NPAS3: variants seen among roughly 807,000 people sequenced by gnomAD.
The protein encoded by NPAS3 is neuronal PAS domain-containing protein 3.
A neutral mutation model predicts 73.1 loss-of-function variants in NPAS3; 14 were observed. The observed-to-expected ratio is 0.19, with a 90% CI of 0.13 to 0.30. NPAS3 has a LOEUF of 0.30. Among genes scored for constraint, NPAS3 ranks in the 10% least tolerant of loss-of-function variants. The pLI, the probability that NPAS3 is intolerant of heterozygous loss-of-function variation, is 1.00. For synonymous variants in NPAS3, 620 were observed against 541.5 expected, an observed-to-expected ratio of 1.14 and a Z score of -2.01; for missense variants, 1,096 against 1,250.0, an observed-to-expected ratio of 0.88 and a Z score of 1.86.
intron 4 of NPAS3, among the ~76,000 whole-genome samples, chr14:33,533,672 T>A (rs1391695763): frequency 6.6e-6 from 1 of 152,150 alleles, no homozygotes; most frequent in Non-Finnish European, 1.5e-5. Context: ...TGCCTCAAAT[T>A]TTGAAACCAT....
At chr14:33,179,051 A>T (rs948697017) in intron 2 of NPAS3, among the ~76,000 whole-genome samples, 3 of 152,128 alleles carry the variant, frequency 2.0e-5, no homozygotes, top group African/African-American at 7.2e-5. Flanking sequence ...ACCTTTTTTA[A>T]AAAAAAATCA....
chr14:33,664,191 A>G (rs2059388225), intron 5 of NPAS3, among the ~76,000 whole-genome samples: 2 of 152,222 alleles, frequency 1.3e-5, no homozygotes, highest in African/African-American at 4.8e-5. Context: ...CTGGAACAGA[A>G]CAGTGGCCTC....
intron 4 of NPAS3, among the ~76,000 whole-genome samples, chr14:33,461,850 G>C (rs2050281356): frequency 6.6e-6 from 1 of 152,170 alleles, no homozygotes; most frequent in East Asian, 1.9e-4. Flanking sequence ...CAGATGAATT[G>C]GCCTGCCTGA....
intron 2 of NPAS3, among the ~76,000 whole-genome samples, chr14:33,173,755 A>G (rs1365156318): frequency 1.3e-5 from 2 of 152,202 alleles, no homozygotes; most frequent in Non-Finnish European, 2.9e-5. Context: ...TGATTTATAA[A>G]AGTCAGATGT....
intron 2 of NPAS3, among the ~76,000 whole-genome samples, chr14:33,086,262 G>A (rs1475979646): frequency 6.6e-6 from 1 of 152,056 alleles, no homozygotes; most frequent in African/African-American, 2.4e-5. Flanking sequence ...TATATGCTAT[G>A]TTTTGATTTA....
intron 3 of NPAS3, among the ~76,000 whole-genome samples, chr14:33,263,086 G>A (rs894730605): frequency 6.6e-6 from 1 of 152,050 alleles, no homozygotes; most frequent in African/African-American, 2.4e-5. Context: ...TCACTCTGAT[G>A]GTAGTTTCTT....
intron 4 of NPAS3, among the ~76,000 whole-genome samples, chr14:33,460,585 A>T (rs1250537015): frequency 6.6e-6 from 1 of 152,198 alleles, no homozygotes; most frequent in African/African-American, 2.4e-5. Context: ...AATCTTTATA[A>T]GCTCATGATG....
intron 6 of NPAS3, among the ~76,000 whole-genome samples, chr14:33,709,011 T>C (rs2060740528): frequency 6.6e-6 from 1 of 152,206 alleles, no homozygotes. Flanking sequence ...TACTGAGAGA[T>C]TGGATCTATT....
chr14:33,611,416 G>A (rs1006070471), intron 5 of NPAS3, among the ~76,000 whole-genome samples: 10 of 152,076 alleles, frequency 6.6e-5, no homozygotes, highest in African/African-American at 2.2e-4. Context: ...TCTGAATCTT[G>A]GATGTTTCAT....
At chr14:33,598,317 A>G (rs1189378344) in intron 5 of NPAS3, among the ~76,000 whole-genome samples, 4 of 152,320 alleles carry the variant, frequency 2.6e-5, no homozygotes, top group South Asian at 4.1e-4. Flanking sequence ...CTCTTCAAAA[A>G]TTGGAGTCTT....
chr14:33,162,057 A>C (rs2044911649), intron 2 of NPAS3, among the ~76,000 whole-genome samples: 1 of 152,244 alleles, frequency 6.6e-6, no homozygotes, highest in Non-Finnish European at 1.5e-5. Flanking sequence ...AGTAGGCACC[A>C]TGCCGGGCAC....
chr14:33,727,182 G>C (rs1316273902), intron 6 of NPAS3, among the ~76,000 whole-genome samples: 1 of 139,340 alleles, frequency 7.2e-6, no homozygotes. Flanking sequence ...GGTTCAGCTG[G>C]ATACTGGCAA....
intron 7 of NPAS3, among the ~76,000 whole-genome samples, chr14:33,737,243 TGAG>T (rs573141247): frequency 4.3e-4 from 65 of 152,228 alleles, no homozygotes; most frequent in African/African-American, 1.3e-3. Context: ...AAGGTCACGC[TGAG>T]GAGGCGGGAT....
intron 5 of NPAS3, among the ~76,000 whole-genome samples, chr14:33,596,471 A>G (rs2057245622): frequency 6.6e-6 from 1 of 152,188 alleles, no homozygotes. Flanking sequence ...ACTAATGGAG[A>G]CAGATGGGAA....
intron 3 of NPAS3, among the ~76,000 whole-genome samples, chr14:33,276,697 A>G (rs545539670): frequency 3.6e-4 from 55 of 152,246 alleles, no homozygotes; most frequent in African/African-American, 1.3e-3. Flanking sequence ...TGAGGATCAA[A>G]GATAATGAAC....
chr14:33,278,310 G>A (rs1222807686), intron 3 of NPAS3, among the ~76,000 whole-genome samples: 1 of 152,112 alleles, frequency 6.6e-6, no homozygotes. Context: ...AGAGTTATCA[G>A]TATGTATCTG....
At chr14:32,935,037 C>T, upstream of NPAS3, 1 of 1,250,092 alleles carries the variant, frequency 8.0e-7, no homozygotes, top group Non-Finnish European at 1.0e-6. Flanking sequence ...GATAGTGCCC[C>T]CGCCCCGGGG....
At chr14:33,021,637 G>C (rs2039599911) in intron 1 of NPAS3, among the ~76,000 whole-genome samples, 1 of 152,042 alleles carries the variant, frequency 6.6e-6, no homozygotes, top group South Asian at 2.1e-4. Flanking sequence ...TCAAAGCAAA[G>C]ATCAAGTGCC....
intron 4 of NPAS3, among the ~76,000 whole-genome samples, chr14:33,378,382 C>T (rs529590956): frequency 6.6e-6 from 1 of 152,272 alleles, no homozygotes; most frequent in South Asian, 2.1e-4. Context: ...ACTCATCACA[C>T]CCACACACAT....
Sources: gnomAD v4.1 joint callset for allele counts (sites outside exome capture counted in the v4.1 genomes callset) on GRCh38, gnomAD v4.1.1 for gene constraint, MANE v1.5 for transcripts, NCBI Gene and HGNC (gene_info 2026-07-23, HGNC 2026-07-21) for gene names.